The following AGXT2 variants were observed in gnomAD, a reference collection of about 807,000 sequenced individuals.
AGXT2 encodes the protein alanine--glyoxylate aminotransferase 2, mitochondrial.
Under a neutral mutation model 62.5 loss-of-function variants are expected in AGXT2, and 61 were observed. The observed-to-expected ratio is 0.98, with a 90% confidence interval of 0.79 to 1.21. AGXT2 has a LOEUF of 1.21. Among genes scored for constraint, AGXT2 ranks in the 50% most tolerant of loss-of-function variants. The pLI, the probability that AGXT2 is intolerant of heterozygous loss-of-function variation, is 0.00. For missense variants in AGXT2, 666 were observed against 641.5 expected, an observed-to-expected ratio of 1.04 and a Z score of -0.41; for synonymous variants, 243 against 218.7, an observed-to-expected ratio of 1.11 and a Z score of -0.98.
intron 1 of AGXT2, among the ~76,000 whole-genome samples, chr5:35,046,883 C>G (rs1281943579): frequency 6.6e-6 from 1 of 152,134 alleles, no homozygotes; most frequent in Admixed American, 6.6e-5. Flanking sequence ...GGAGGTGAGG[C>G]TCTCGTGAAA....
rs941376578 is a variant in AGXT2, at chr5:35,014,185, G to A, written c.964-66C>T. On this transcript the variant is annotated intron_variant, in intron 9 of 13. Transcript: ENST00000231420. ...AATGCTGTTTTCGACAGGGCGCGGTGGCTCACACCTGTAATCCCAGCACTT... is the reference window on the plus strand; with the variant it reads ...AATGCTGTTTTCGACAGGGCGCGGTAGCTCACACCTGTAATCCCAGCACTT... The A allele has an allele frequency of 1.2e-5, 20 of 1,605,378 alleles. No homozygotes were observed. The African/African-American group carries it at 2.5e-4, about 20-fold the overall frequency.
intron 11 of AGXT2, among the ~76,000 whole-genome samples, chr5:35,010,748 A>T (rs2112190500): frequency 6.6e-6 from 1 of 152,344 alleles, no homozygotes; most frequent in Non-Finnish European, 1.5e-5. Context: ...TTGAAAATGT[A>T]GATTCTGAAA....
intron 2 of AGXT2, among the ~76,000 whole-genome samples, chr5:35,040,295 C>T (rs954699794): frequency 6.6e-6 from 1 of 152,026 alleles, no homozygotes; most frequent in African/African-American, 2.4e-5. Context: ...TGTATATCTC[C>T]CTGCAGTACA....
chr5:35,045,758 TTTTTTC>T (rs1187771818), intron 1 of AGXT2, among the ~76,000 whole-genome samples: 4 of 59,648 alleles, frequency 6.7e-5, no homozygotes, highest in African/African-American at 1.5e-4. Flanking sequence ...TTTCTTTTTC[TTTTTTC>T]TTTTTTTTTT....
chr5:35,035,401 G>A (rs1042691414), intron 4 of AGXT2, 85 bp from the exon 5 acceptor site: 5 of 1,118,382 alleles, frequency 4.5e-6, no homozygotes, highest in South Asian at 1.2e-5. Flanking sequence ...CAGGTGTCCA[G>A]CCCCTGAGTA....
At chr5:35,002,774 G>C (rs1467572413) in intron 13 of AGXT2, among the ~76,000 whole-genome samples, 1 of 85,750 alleles carries the variant, frequency 1.2e-5, no homozygotes, top group African/African-American at 4.8e-5. Flanking sequence ...GTGATAGCAG[G>C]CTGGGGGGGG....
intron 9 of AGXT2, among the ~76,000 whole-genome samples, chr5:35,014,722 G>A (rs1449538595): frequency 2.0e-5 from 3 of 152,080 alleles, no homozygotes; most frequent in African/African-American, 7.2e-5. Flanking sequence ...GGCTCCATGA[G>A]GGTCATACAA....
At chr5:35,008,178 T>C (rs1766505255) in intron 12 of AGXT2, among the ~76,000 whole-genome samples, 1 of 152,142 alleles carries the variant, frequency 6.6e-6, no homozygotes, top group Non-Finnish European at 1.5e-5. Context: ...AAAAAACCTG[T>C]TTCATTGTTT....
intron 9 of AGXT2, among the ~76,000 whole-genome samples, chr5:35,019,514 C>G (rs1175172690): frequency 1.3e-5 from 2 of 152,116 alleles, no homozygotes; most frequent in African/African-American, 4.8e-5. Context: ...TAAAGATGTT[C>G]TTTGAAACCA....
intron 5 of AGXT2, among the ~76,000 whole-genome samples, chr5:35,034,866 C>T (rs1469594259): frequency 6.6e-6 from 1 of 152,130 alleles, no homozygotes; most frequent in Non-Finnish European, 1.5e-5. Flanking sequence ...GAGCCTTGAT[C>T]TTCTAAGGTG....
chr5:35,014,078 G>A lies in AGXT2; in HGVS notation c.1005C>T (p.Gly335=), dbSNP rs1580579591. 6.2e-7 allele frequency: 1 copy of A among 1,614,130 alleles called. No individual in the cohort carries two copies. The highest frequency in any genetic ancestry group is 8.5e-7 in the Non-Finnish European group (1 of 1,180,016). The change falls in exon 10 of 14, where the codon GGC becomes GGT. Residue 335 remains glycine, a synonymous_variant. Transcript: ENST00000231420. ...GFGRLGSHFW[G]FQTHDVLPDI... The stretch of plus-strand genomic sequence containing the variant: ...CAGGCAGGACATCGTGGGTTTGGAA[G>A]CCCCAGAAGTGAGAGCCCAACCTTC...
chr5:35,026,674 T>C (rs984859509), intron 7 of AGXT2, among the ~76,000 whole-genome samples, 164 bp from the exon 8 acceptor site: 5 of 151,796 alleles, frequency 3.3e-5, no homozygotes, highest in Admixed American at 1.3e-4. Context: ...TATGCATTTC[T>C]GAAGGGGGAA....
chr5:35,020,424 C>A (rs1049161737), intron 9 of AGXT2, among the ~76,000 whole-genome samples: 2 of 152,080 alleles, frequency 1.3e-5, no homozygotes, highest in Admixed American at 6.5e-5. Context: ...TCAATATATG[C>A]AAATCAATAA....
rs70973021 is a variant in AGXT2 at position 35,011,957 on chromosome 5, C to CAT, written c.1188+996_1188+997insAT. The stretch of plus-strand genomic sequence containing the variant: ...ACACACACACACACACACACACACA[C>CAT]GCCATGGAATACCACTCAGCCATAA... On this transcript the variant is annotated intron_variant, in intron 11 of 13. Transcript: ENST00000231420. Among the ~76,000 whole-genome samples, 9 of 144,462 alleles carry CAT rather than the reference C, an allele frequency of 6.2e-5. No homozygotes were observed. In the East Asian group the frequency reaches 1.0e-3, roughly 16 times the overall value. The allele number at this position is 144,462 out of a possible 152,430, so 94.8% of individuals were successfully genotyped here. A position where few individuals can be genotyped will look rare whatever the true frequency, so the allele number is the denominator to read the frequency against.
rs973877304 is a variant in AGXT2, at chr5:34,998,587, A to G, written c.*132T>C. The G allele has an allele frequency of 1.4e-6, 1 of 734,060 alleles. No individual in the cohort carries two copies. Among genetic ancestry groups the G allele is most frequent in the East Asian group, 2.7e-5 (1 of 37,398 alleles). 45.5% of individuals were successfully genotyped at this position (734,060 alleles called of 1,614,324 possible). On this transcript the variant is annotated 3_prime_UTR_variant, in exon 14 of 14. Coordinates refer to ENST00000231420, the MANE Select transcript of AGXT2 (RefSeq NM_031900.4). ...AAATATGGTTGGTAGGCAGTCAACC[A>G]TGACTTTTACAGCTCCTGTGGAGAG...
intron 9 of AGXT2, among the ~76,000 whole-genome samples, chr5:35,015,955 A>G (rs1398095435): frequency 6.6e-6 from 1 of 151,094 alleles, no homozygotes; most frequent in Admixed American, 6.6e-5. Flanking sequence ...TGACCAGTGT[A>G]GGAGAAGAGC....
Position 35,042,736 on chromosome 5 carries a change from C to CTGTG in AGXT2, c.89-2077_89-2074dup, listed in dbSNP as rs66463119. Among the ~76,000 whole-genome samples, 1,276 of 142,478 alleles carry CTGTG rather than the reference C, an allele frequency of 9.0e-3. 10 individuals are homozygous for CTGTG. The highest frequency in any genetic ancestry group is 0.015 in the East Asian group (71 of 4,784). 93.5% of individuals were successfully genotyped at this position (142,478 alleles called of 152,430 possible). A position where few individuals can be genotyped will look rare whatever the true frequency, so the allele number is the denominator to read the frequency against. The stretch of plus-strand genomic sequence containing the variant: ...TATGTGTATATATGCATATGCATAC[C>CTGTG]TGTGTGTGTGTGTGTGTGTGTGTGT... On this transcript the variant is annotated intron_variant, in intron 1 of 13. Transcript: ENST00000231420.
chr5:34,998,730 T>C lies in AGXT2; in HGVS notation c.1534A>G (p.Arg512Gly). 1 of 1,612,232 alleles carries C rather than the reference T, an allele frequency of 6.2e-7. No individual in the cohort carries two copies. Among genetic ancestry groups the C allele is most frequent in the Non-Finnish European group, 8.5e-7 (1 of 1,178,380 alleles). The change falls in exon 14 of 14, where the codon AGA becomes GGA. Residue 512 changes from arginine to glycine, a missense_variant. Arg to Gly is a moderately radical substitution (Grantham distance 125, BLOSUM62 -2). Coordinates refer to ENST00000231420, the MANE Select transcript of AGXT2 (RefSeq NM_031900.4). ...TATTTCTGACAATGTTACTTAGCTC[T>C]TCTTTCCATGTGTTGGGTTAAGGCA... ...RSALTQHMER[R>G]AK is the part of the protein sequence containing the mutation.
intron 7 of AGXT2, among the ~76,000 whole-genome samples, chr5:35,031,818 T>A (rs1033030106): frequency 6.6e-6 from 1 of 152,026 alleles, no homozygotes; most frequent in Non-Finnish European, 1.5e-5. Context: ...AGTTTTGAGA[T>A]TGCCAAAAGC....
Sources: allele counts gnomAD v4.1 joint callset (sites outside exome capture counted in the v4.1 genomes callset), GRCh38; gene constraint gnomAD v4.1.1; transcripts MANE v1.5; gene names NCBI Gene and HGNC (gene_info 2026-07-23, HGNC 2026-07-21).